PXDNL: variants seen among roughly 807,000 people sequenced by gnomAD.
PXDNL encodes the protein probable oxidoreductase PXDNL.
A neutral mutation model predicts 150.8 loss-of-function variants in PXDNL; 145 were observed. That is an observed-to-expected ratio of 0.96 (90% CI 0.84 to 1.10). The LOEUF (loss-of-function observed/expected upper bound fraction) is 1.10. Among genes scored for constraint, PXDNL ranks in the 50% least tolerant of loss-of-function variants. PXDNL has a pLI of 0.00. For synonymous variants in PXDNL, 757 were observed against 725.7 expected, an observed-to-expected ratio of 1.04 and a Z score of -0.69; for missense variants, 2,087 against 1,873.9, an observed-to-expected ratio of 1.11 and a Z score of -2.10.
chr8:51,465,915 A>G (rs1442484141), intron 8 of PXDNL, among the ~76,000 whole-genome samples: 2 of 152,140 alleles, frequency 1.3e-5, no homozygotes, highest in Non-Finnish European at 2.9e-5. Flanking sequence ...ATAAATAAGA[A>G]AGCATTTCAT....
At chr8:51,435,862 C>T (rs573324583) in intron 12 of PXDNL, 104 of 451,758 alleles carry the variant, frequency 2.3e-4, no homozygotes, top group African/African-American at 1.9e-3. Context: ...ATGTTGATGC[C>T]TCATTCTAAA....
chr8:51,653,730 A>G (rs750486289), intron 2 of PXDNL, among the ~76,000 whole-genome samples: 3 of 152,172 alleles, frequency 2.0e-5, no homozygotes, highest in Non-Finnish European at 4.4e-5. Flanking sequence ...TCTCAACTCT[A>G]AAGTTAGAAG....
intron 6 of PXDNL, among the ~76,000 whole-genome samples, chr8:51,482,549 G>T (rs538279857): frequency 6.6e-6 from 1 of 152,264 alleles, no homozygotes; most frequent in African/African-American, 2.4e-5. Flanking sequence ...GCCAGGGGCG[G>T]AATGATATGG....
At chr8:51,357,668 A>G (rs532717102) in intron 19 of PXDNL, among the ~76,000 whole-genome samples, 1 of 152,354 alleles carries the variant, frequency 6.6e-6, no homozygotes, top group Non-Finnish European at 1.5e-5. Context: ...TAAAAGAAAG[A>G]AGTTGGCAAC....
chr8:51,700,255 TCAAACA>T (rs1335315353), intron 1 of PXDNL, among the ~76,000 whole-genome samples: 2 of 89,360 alleles, frequency 2.2e-5, no homozygotes, highest in Non-Finnish European at 2.8e-5. Flanking sequence ...ACATATACAC[TCAAACA>T]CACACACACA....
chr8:51,647,829 A>G (rs2130791107), intron 2 of PXDNL, among the ~76,000 whole-genome samples: 1 of 152,274 alleles, frequency 6.6e-6, no homozygotes, highest in African/African-American at 2.4e-5. Context: ...CATAATATTG[A>G]CTTTATTTTT....
At chr8:51,747,092 A>G (rs1176940710) in intron 1 of PXDNL, among the ~76,000 whole-genome samples, 1 of 152,248 alleles carries the variant, frequency 6.6e-6, no homozygotes, top group Non-Finnish European at 1.5e-5. Flanking sequence ...ACAGACTAAT[A>G]TGGAAAATAT....
intron 2 of PXDNL, among the ~76,000 whole-genome samples, chr8:51,602,324 G>A (rs371538097): frequency 6.6e-6 from 1 of 151,832 alleles, no homozygotes; most frequent in African/African-American, 2.4e-5. Context: ...ATAATTCATA[G>A]GTTATTTTGC....
intron 4 of PXDNL, among the ~76,000 whole-genome samples, chr8:51,514,507 A>C (rs906381628): frequency 6.6e-6 from 1 of 152,214 alleles, no homozygotes; most frequent in Non-Finnish European, 1.5e-5. Flanking sequence ...ATGTTTTGAT[A>C]ATTCAAATGT....
intron 19 of PXDNL, among the ~76,000 whole-genome samples, chr8:51,370,383 G>A (rs993747120): frequency 2.0e-5 from 3 of 152,064 alleles, no homozygotes; most frequent in Non-Finnish European, 2.9e-5. Flanking sequence ...CCCATCCCAG[G>A]GACATTGGAG....
intron 3 of PXDNL, among the ~76,000 whole-genome samples, chr8:51,562,410 G>A (rs1812737166): frequency 6.6e-6 from 1 of 151,792 alleles, no homozygotes; most frequent in African/African-American, 2.4e-5. Context: ...GAAATTTATA[G>A]CCCCAATAAT....
In PXDNL at chr8:51,809,035, T is replaced by C. The variant is rs1396829863; in HGVS notation, c.164+146A>G. ...TTTCTAGTCTAACAGAGCAGAACCA[T>C]GAAATTGTTTGAAAAGTGAAAAGCC... On this transcript the variant is annotated intron_variant, in intron 1 of 22. Coordinates refer to ENST00000356297, the MANE Select transcript of PXDNL (RefSeq NM_144651.5). The C allele has an allele frequency of 5.1e-6, 4 of 787,246 alleles. 1 individual carries two copies. The highest frequency in any genetic ancestry group is 5.8e-4 in the Middle Eastern group (2 of 3,426). 48.8% of individuals were successfully genotyped at this position (787,246 alleles called of 1,614,324 possible). A position where few individuals can be genotyped will look rare whatever the true frequency, so the allele number is the denominator to read the frequency against.
intron 4 of PXDNL, among the ~76,000 whole-genome samples, chr8:51,526,218 G>C (rs1585549931): frequency 6.6e-6 from 1 of 152,196 alleles, no homozygotes; most frequent in African/African-American, 2.4e-5. Context: ...TGGCGAGGCA[G>C]GTATTGCGAG....
chr8:51,386,804 A>G (rs1397991922), intron 17 of PXDNL, among the ~76,000 whole-genome samples: 2 of 151,150 alleles, frequency 1.3e-5, no homozygotes, highest in South Asian at 4.2e-4. Context: ...GTGACAGATG[A>G]CAGAGCAAGA....
intron 19 of PXDNL, 84 bp downstream of exon 19, chr8:51,371,789 T>C: frequency 8.3e-7 from 1 of 1,205,150 alleles, no homozygotes; most frequent in Admixed American, 2.1e-5. Context: ...TTTCTTTAAA[T>C]CGCATAATCT....
chr8:51,783,426 T>C (rs762913233), intron 1 of PXDNL, among the ~76,000 whole-genome samples: 17 of 152,230 alleles, frequency 1.1e-4, no homozygotes, highest in Non-Finnish European at 2.2e-4. Context: ...AAATACAGAA[T>C]GGAAATTGAA....
intron 5 of PXDNL, among the ~76,000 whole-genome samples, chr8:51,498,534 T>C (rs866896385): frequency 1.4e-4 from 22 of 152,114 alleles, no homozygotes; most frequent in African/African-American, 5.1e-4. Flanking sequence ...AAGAAGGATA[T>C]CCAAGTGCCC....
chr8:51,580,327 C>T (rs979236168), intron 3 of PXDNL, among the ~76,000 whole-genome samples: 1 of 152,216 alleles, frequency 6.6e-6, no homozygotes, highest in Non-Finnish European at 1.5e-5. Context: ...GATGTTATCT[C>T]TCTGCGTATT....
In PXDNL at chr8:51,346,205, C is replaced by A. The variant is rs72636579; in HGVS notation, c.3902-258G>T. 2.8e-4 allele frequency among the ~76,000 whole-genome samples: 42 copies of A among 152,294 alleles called. No individual in the cohort carries two copies. In the South Asian group the frequency reaches 8.5e-3, roughly 31 times the overall value. ...GCAGTCTGCAGAACCTCTGGAGGAG[C>A]CCCAGGCAGAGTGATGCTGAATCTT... On this transcript the variant is annotated intron_variant, in intron 19 of 22. Coordinates refer to ENST00000356297, the MANE Select transcript of PXDNL (RefSeq NM_144651.5).
Sources: gnomAD v4.1 joint callset for allele counts (sites outside exome capture counted in the v4.1 genomes callset) on GRCh38, gnomAD v4.1.1 for gene constraint, MANE v1.5 for transcripts, NCBI Gene and HGNC (gene_info 2026-07-23, HGNC 2026-07-21) for gene names.